The following AMOTL1 variants were observed in gnomAD, a reference collection of about 807,000 sequenced individuals.
AMOTL1 encodes angiomotin-like protein 1.
Under a neutral mutation model 102.9 loss-of-function variants are expected in AMOTL1, and 45 were observed. That is an observed-to-expected ratio of 0.44 (90% CI 0.34 to 0.56). The LOEUF (loss-of-function observed/expected upper bound fraction) is 0.56. Ranked by LOEUF, AMOTL1 falls within the 20% of genes least tolerant of loss-of-function variation. The pLI is 0.01. For synonymous variants in AMOTL1, 481 were observed against 484.7 expected, an observed-to-expected ratio of 0.99 and a Z score of 0.10; for missense variants, 1,114 against 1,225.6, an observed-to-expected ratio of 0.91 and a Z score of 1.36.
intron 2 of AMOTL1, among the ~76,000 whole-genome samples, chr11:94,732,094 C>A (rs1950363639): frequency 6.6e-6 from 1 of 152,328 alleles, no homozygotes; most frequent in African/African-American, 2.4e-5. Flanking sequence ...CTCACCTCTC[C>A]CCACCACTGG....
chr11:94,766,228 G>A (rs1276426269), upstream of AMOTL1, among the ~76,000 whole-genome samples: 5 of 152,056 alleles, frequency 3.3e-5, no homozygotes, highest in Non-Finnish European at 5.9e-5. Flanking sequence ...ACCTATCATT[G>A]CTTCCTGCAA....
At chr11:94,828,461 A>C (rs527565342) in intron 4 of AMOTL1, among the ~76,000 whole-genome samples, 21 of 152,116 alleles carry the variant, frequency 1.4e-4, no homozygotes, top group South Asian at 4.2e-4. Flanking sequence ...CAGAGTTATA[A>C]TCTTCCTTCC....
chr11:94,807,132 C>G (rs1591985875), intron 3 of AMOTL1, among the ~76,000 whole-genome samples: 1 of 152,054 alleles, frequency 6.6e-6, no homozygotes, highest in South Asian at 2.1e-4. Flanking sequence ...TTTAGAAATA[C>G]AGATAACTCC....
intron 1 of AMOTL1, among the ~76,000 whole-genome samples, chr11:94,780,554 CT>C (rs1393103594): frequency 1.4e-4 from 22 of 152,210 alleles, no homozygotes. Context: ...GAGCATCTTG[CT>C]GCTGTTCTAT....
At chr11:94,754,410 C>T (rs1950695941) in intron 3 of AMOTL1, among the ~76,000 whole-genome samples, 1 of 152,214 alleles carries the variant, frequency 6.6e-6, no homozygotes, top group African/African-American at 2.4e-5. Context: ...GCTGAATCTT[C>T]TCTCCCATAC....
intron 2 of AMOTL1, chr11:94,796,988 G>T (rs1951379931): frequency 1.0e-6 from 1 of 985,274 alleles, no homozygotes; most frequent in Non-Finnish European, 1.2e-6. Context: ...GAGCGTGGCA[G>T]TTGATTAAAT....
chr11:94,845,864 C>T (rs1358435794), intron 6 of AMOTL1, among the ~76,000 whole-genome samples: 1 of 152,198 alleles, frequency 6.6e-6, no homozygotes, highest in African/African-American at 2.4e-5. Flanking sequence ...AGTAAACAGA[C>T]CATTCTGGGC....
intron 7 of AMOTL1, 91 bp downstream of exon 7, chr11:94,850,350 C>T (rs1032970055): frequency 1.5e-5 from 22 of 1,438,588 alleles, no homozygotes; most frequent in Admixed American, 2.8e-5. Flanking sequence ...CTACTTTAAC[C>T]AGAGCCAATT....
At chr11:94,795,593 C>G (rs1279941324) in intron 2 of AMOTL1, among the ~76,000 whole-genome samples, 1 of 152,144 alleles carries the variant, frequency 6.6e-6, no homozygotes, top group Non-Finnish European at 1.5e-5. Context: ...GTAAAAACTT[C>G]CTATCTCTTT....
chr11:94,729,479 A>G (rs1214937771), intron 2 of AMOTL1, among the ~76,000 whole-genome samples: 1 of 152,118 alleles, frequency 6.6e-6, no homozygotes, highest in Non-Finnish European at 1.5e-5. Context: ...GGATAAAGCA[A>G]CCAATATAAA....
rs146788538 is a variant in AMOTL1 at position 94,774,509 on chromosome 11, T to G, written c.49+5949T>G. Reference sequence around the variant, plus strand: ...TTCATAACTGGCAGCTCTGTTTCCTTCTTGATGACCAAGTTGTTTACTTCT... The same window carrying G: ...TTCATAACTGGCAGCTCTGTTTCCTGCTTGATGACCAAGTTGTTTACTTCT... On this transcript the variant is annotated intron_variant, in intron 1 of 12. Coordinates refer to ENST00000433060, the MANE Select transcript of AMOTL1 (RefSeq NM_130847.3). 3.9e-3 allele frequency among the ~76,000 whole-genome samples: 587 copies of G among 152,314 alleles called. 2 individuals carry two copies. Among genetic ancestry groups the G allele is most frequent in the Middle Eastern group, 0.031 (9 of 294 alleles).
intron 7 of AMOTL1, among the ~76,000 whole-genome samples, 200 bp downstream of exon 7, chr11:94,850,459 G>A (rs755111038): frequency 1.3e-5 from 2 of 152,244 alleles, no homozygotes; most frequent in Non-Finnish European, 2.9e-5. Context: ...AGTATGAAAA[G>A]CACATGGGAA....
Position 94,873,822 on chromosome 11 carries a change from A to G in AMOTL1, c.*3027A>G, listed in dbSNP as rs1953049550. On this transcript the variant is annotated 3_prime_UTR_variant, in exon 13 of 13. Coordinates refer to ENST00000433060, the MANE Select transcript of AMOTL1 (RefSeq NM_130847.3). ...ACACACACACACACACAGCTATCAC[A>G]CATCTCAGAGCCTAAGAAATAGGAC... The G allele has an allele frequency of 1.4e-5, 2 of 147,104 alleles. No individual in the cohort carries two copies. The highest frequency in any genetic ancestry group is 5.0e-5 in the African/African-American group (2 of 40,082). 9.1% of individuals were successfully genotyped at this position (147,104 alleles called of 1,614,324 possible). A position where few individuals can be genotyped will look rare whatever the true frequency, so the allele number is the denominator to read the frequency against.
At chr11:94,815,709 G>T (rs1951754067) in intron 3 of AMOTL1, among the ~76,000 whole-genome samples, 1 of 152,012 alleles carries the variant, frequency 6.6e-6, no homozygotes, top group Non-Finnish European at 1.5e-5. Context: ...ATGGTAACCA[G>T]TATATAAAAG....
intron 6 of AMOTL1, 32 bp from the exon 7 acceptor site, chr11:94,850,082 T>C (rs549230387): frequency 9.0e-5 from 141 of 1,562,350 alleles, no homozygotes; most frequent in Non-Finnish European, 1.2e-4. Context: ...CAATTTCTGA[T>C]AGAGGTAGTT....
chr11:94,823,906 A>G (rs998412395), intron 4 of AMOTL1, among the ~76,000 whole-genome samples: 1 of 151,540 alleles, frequency 6.6e-6, no homozygotes, highest in African/African-American at 2.4e-5. Flanking sequence ...ATTTTAGTAG[A>G]GACGGGGTTT....
intron 3 of AMOTL1, among the ~76,000 whole-genome samples, chr11:94,753,931 A>G (rs892578692): frequency 1.4e-4 from 22 of 152,206 alleles, no homozygotes; most frequent in African/African-American, 5.3e-4. Context: ...ATTGGGAAGA[A>G]AGATCTATTA....
chr11:94,706,829 T>A (rs34439245), intron 1 of AMOTL1, among the ~76,000 whole-genome samples: 2 of 151,932 alleles, frequency 1.3e-5, no homozygotes, highest in African/African-American at 2.4e-5. Flanking sequence ...TGTAGGAATC[T>A]AATCGGGGCT....
chr11:94,807,942 A>G (rs891249110), intron 3 of AMOTL1, among the ~76,000 whole-genome samples: 4 of 129,100 alleles, frequency 3.1e-5, no homozygotes, highest in Non-Finnish European at 6.5e-5. Context: ...TGGTTGGAGA[A>G]CTACACATCA....
Sources: allele counts gnomAD v4.1 joint callset (sites outside exome capture counted in the v4.1 genomes callset), GRCh38; gene constraint gnomAD v4.1.1; transcripts MANE v1.5; gene names NCBI Gene and HGNC (gene_info 2026-07-23, HGNC 2026-07-21).